Variants in TOPAZ1 observed in about 807,000 individuals in gnomAD.
TOPAZ1 encodes protein TOPAZ1.
In TOPAZ1, 66 loss-of-function variants were observed where a neutral mutation model predicts 172.2. The observed-to-expected ratio is 0.38, with a 90% CI of 0.31 to 0.47. The LOEUF (loss-of-function observed/expected upper bound fraction) is 0.47, where lower values mean the gene tolerates loss of function less well. Ranked by LOEUF, TOPAZ1 falls within the 20% of genes least tolerant of loss-of-function variation. The probability of loss-of-function intolerance (pLI) is 0.99; values close to 1 mark genes in which losing one functional copy is unlikely to be tolerated. For synonymous variants in TOPAZ1, 681 were observed against 683.9 expected (o/e 1.00, Z 0.07); for missense variants, 1,822 against 1,972.4 (o/e 0.92, Z 1.44).
In TOPAZ1 at chr3:44,244,863, T is replaced by C; in HGVS notation, c.2357T>C (p.Val786Ala). The C allele has an allele frequency of 2.6e-6, 4 of 1,551,748 alleles. No homozygotes were observed. The highest frequency in any genetic ancestry group is 3.5e-6 in the Non-Finnish European group (4 of 1,147,008). Residue 786 changes from valine to alanine, a missense_variant, in exon 2 of 20, where the codon GTC becomes GCC. This residue lies in a region of TOPAZ1 where 1,489 missense variants were observed against 1,490.8 expected (regional missense o/e 1.00). Transcript: ENST00000309765. ...QGNNSKPSNH[V>A]SEPGNIVSNK... is the part of the protein sequence containing the mutation. ...AACAATAGCAAACCATCTAATCACGTCTCTGAACCAGGCAATATTGTTTCT... is the reference window on the plus strand; with the variant it reads ...AACAATAGCAAACCATCTAATCACGCCTCTGAACCAGGCAATATTGTTTCT...
At chr3:44,291,840 C>T (rs1437355994) in intron 12 of TOPAZ1, among the ~76,000 whole-genome samples, 1 of 152,066 alleles carries the variant, frequency 6.6e-6, no homozygotes, top group Non-Finnish European at 1.5e-5. Context: ...CAGAAATCTC[C>T]AATATGGAGC....
chr3:44,336,607 T>TGCTCTC (rs1459176857), downstream of TOPAZ1, among the ~76,000 whole-genome samples: 4 of 152,200 alleles, frequency 2.6e-5, no homozygotes, highest in East Asian at 7.7e-4. Context: ...TGTTTGCCCT[T>TGCTCTC]GCTCTCGCCC....
At chr3:44,334,677 C>G (rs1232698497), downstream of TOPAZ1, among the ~76,000 whole-genome samples, 3 of 152,038 alleles carry the variant, frequency 2.0e-5, no homozygotes, top group African/African-American at 7.2e-5. Context: ...TTTTGGGAAC[C>G]AATTAGTAAG....
intron 16 of TOPAZ1, among the ~76,000 whole-genome samples, chr3:44,310,849 CA>C (rs1243476765): frequency 6.6e-6 from 1 of 152,172 alleles, no homozygotes; most frequent in Non-Finnish European, 1.5e-5. Context: ...CTTGATAAGG[CA>C]ATTCTTCTAA....
chr3:44,286,005 T>C (rs1208190727), intron 9 of TOPAZ1, among the ~76,000 whole-genome samples: 2 of 151,030 alleles, frequency 1.3e-5, no homozygotes, highest in African/African-American at 4.9e-5. Flanking sequence ...GGTCAGAAGT[T>C]CAAGACCAGC....
chr3:44,273,023 C>T (rs1699914774), intron 8 of TOPAZ1, among the ~76,000 whole-genome samples: 1 of 152,168 alleles, frequency 6.6e-6, no homozygotes, highest in South Asian at 2.1e-4. Flanking sequence ...AACAACTATC[C>T]TCTAATGAGG....
chr3:44,318,437 CTG>C (rs1420651767), intron 16 of TOPAZ1, among the ~76,000 whole-genome samples: 2 of 138,674 alleles, frequency 1.4e-5, no homozygotes, highest in African/African-American at 5.4e-5. Context: ...GGGTGACAGA[CTG>C]AGACTCCATC....
intron 11 of TOPAZ1, 114 bp from the exon 12 acceptor site, chr3:44,290,657 C>A: frequency 3.2e-6 from 2 of 628,888 alleles, no homozygotes; most frequent in Non-Finnish European, 2.8e-6. Flanking sequence ...TTTTATTCCA[C>A]TTGTCTCCAT....
chr3:44,278,958 A>G (rs1238226952), intron 8 of TOPAZ1, among the ~76,000 whole-genome samples: 1 of 152,008 alleles, frequency 6.6e-6, no homozygotes, highest in Non-Finnish European at 1.5e-5. Flanking sequence ...CTTTTTTAAC[A>G]TAGGCATTTA....
intron 6 of TOPAZ1, among the ~76,000 whole-genome samples, chr3:44,269,013 A>G (rs1699863739): frequency 6.6e-6 from 1 of 152,234 alleles, no homozygotes; most frequent in African/African-American, 2.4e-5. Context: ...TTTTAAATTC[A>G]GGTCTAGAAA....
Position 44,270,669 on chromosome 3 carries a change from C to A in TOPAZ1, c.3247-16C>A. On this transcript the variant is annotated splice_polypyrimidine_tract_variant and intron_variant, in intron 7 of 19. Transcript: ENST00000309765. Reference sequence around the variant, plus strand: ...TTTACAGTTAATACAGAAAGTGAATCTTTCTAATTTTCTAGGTGTTCCAGA... The same window carrying A: ...TTTACAGTTAATACAGAAAGTGAATATTTCTAATTTTCTAGGTGTTCCAGA... 6.5e-7 allele frequency: 1 copy of A among 1,528,456 alleles called. No individual in the cohort carries two copies. Among genetic ancestry groups the A allele is most frequent in the Non-Finnish European group, 8.8e-7 (1 of 1,137,138 alleles). 94.7% of individuals were successfully genotyped at this position (1,528,456 alleles called of 1,614,324 possible).
intron 12 of TOPAZ1, among the ~76,000 whole-genome samples, chr3:44,298,099 G>A (rs1384913555): frequency 1.3e-5 from 2 of 152,070 alleles, no homozygotes; most frequent in Non-Finnish European, 2.9e-5. Context: ...AGATTTTTTT[G>A]TAGGTATAAA....
intron 12 of TOPAZ1, among the ~76,000 whole-genome samples, chr3:44,299,700 C>G (rs1359890289): frequency 6.6e-6 from 1 of 151,614 alleles, no homozygotes; most frequent in African/African-American, 2.4e-5. Context: ...TTGGAACCAA[C>G]CCAAATGTCC....
chr3:44,255,651 C>CAA (rs10663255), intron 3 of TOPAZ1, among the ~76,000 whole-genome samples: 16,850 of 85,876 alleles, frequency 0.2, 3,387 homozygotes, highest in African/African-American at 0.38. Context: ...GACTCTGTCT[C>CAA]AAAAAAAAAA....
chr3:44,312,077 T>C (rs1700402908), intron 16 of TOPAZ1, among the ~76,000 whole-genome samples: 1 of 152,174 alleles, frequency 6.6e-6, no homozygotes, highest in African/African-American at 2.4e-5. Flanking sequence ...CTGGAATATT[T>C]TGTTACACCA....
chr3:44,324,916 T>C (rs1033706572), intron 18 of TOPAZ1, among the ~76,000 whole-genome samples: 6 of 152,238 alleles, frequency 3.9e-5, no homozygotes, highest in African/African-American at 7.2e-5. Flanking sequence ...ACCTTTGTTA[T>C]TGGAACTTTT....
chr3:44,304,523 T>G (rs942502619), intron 13 of TOPAZ1, among the ~76,000 whole-genome samples: 2 of 152,228 alleles, frequency 1.3e-5, no homozygotes, highest in Non-Finnish European at 2.9e-5. Flanking sequence ...TGATTTTTAC[T>G]TTTAAATTTA....
intron 8 of TOPAZ1, among the ~76,000 whole-genome samples, chr3:44,271,574 T>G (rs1699899492): frequency 6.6e-6 from 1 of 152,096 alleles, no homozygotes; most frequent in South Asian, 2.1e-4. Flanking sequence ...ATTTATTACT[T>G]TAGAAGTTGC....
chr3:44,334,421 G>T (rs766982871), downstream of TOPAZ1, among the ~76,000 whole-genome samples: 6 of 152,114 alleles, frequency 3.9e-5, no homozygotes, highest in African/African-American at 7.2e-5. Flanking sequence ...TCCCTTTCTT[G>T]CTCTGTGTCA....
Sources: gnomAD v4.1 joint callset for allele counts (sites outside exome capture counted in the v4.1 genomes callset) on GRCh38, gnomAD v4.1.1 for gene constraint, gnomAD v4.1.1 regional missense constraint, MANE v1.5 for transcripts, NCBI Gene and HGNC (gene_info 2026-07-23, HGNC 2026-07-21) for gene names.